The following TAFA1 variants were observed in gnomAD, a reference collection of about 807,000 sequenced individuals.
TAFA1 encodes the protein TAFA chemokine like family member 1.
TAFA1 carries 4 observed loss-of-function variants against 18.5 expected under a neutral mutation model. The observed-to-expected ratio is 0.22, with a 90% CI of 0.11 to 0.49. TAFA1 has a LOEUF of 0.49. Among genes scored for constraint, TAFA1 ranks in the 20% least tolerant of loss-of-function variants. The pLI, the probability that TAFA1 is intolerant of heterozygous loss-of-function variation, is 0.98. For missense variants in TAFA1, 147 were observed against 169.0 expected (o/e 0.87, Z 0.72); for synonymous variants, 56 against 55.2 (o/e 1.01, Z -0.06).
intron 2 of TAFA1, among the ~76,000 whole-genome samples, chr3:68,187,988 G>C (rs935226856): frequency 6.6e-6 from 1 of 151,764 alleles, no homozygotes; most frequent in African/African-American, 2.4e-5. Flanking sequence ...TACATTTCTT[G>C]CCTATTTTTC....
At chr3:68,095,881 A>G (rs1383716988) in intron 2 of TAFA1, among the ~76,000 whole-genome samples, 13 of 152,138 alleles carry the variant, frequency 8.5e-5, no homozygotes, top group Admixed American at 8.5e-4. Context: ...TGTTACATGC[A>G]TAGAATGTGT....
chr3:68,142,194 CT>C (rs767688006), intron 2 of TAFA1, among the ~76,000 whole-genome samples: 6 of 152,270 alleles, frequency 3.9e-5, no homozygotes, highest in Admixed American at 1.3e-4. Flanking sequence ...AAAAAAATTG[CT>C]TTGTTTCTCA....
chr3:68,406,061 G>A (rs1463937788), intron 2 of TAFA1, among the ~76,000 whole-genome samples: 1 of 152,052 alleles, frequency 6.6e-6, no homozygotes, highest in Admixed American at 6.6e-5. Flanking sequence ...TTGCTTACAG[G>A]GACGAGGGCT....
chr3:68,053,682 C>T (rs896617474), intron 2 of TAFA1, among the ~76,000 whole-genome samples: 1 of 151,960 alleles, frequency 6.6e-6, no homozygotes, highest in African/African-American at 2.4e-5. Context: ...GAAATCGGTT[C>T]CTTGGAAAAT....
rs117575624 is a variant in TAFA1, at chr3:68,155,125, C to A, written c.118+148381C>A. ...CCATTTTAAGATGTGGAAACTGAGA[C>A]TTGAATAAGTTGTATTACTCATCTC... is the stretch of plus-strand genomic sequence containing the variant. On this transcript the variant is annotated intron_variant, in intron 2 of 4. Transcript: ENST00000478136. 1.2e-3 allele frequency among the ~76,000 whole-genome samples: 183 copies of A among 152,232 alleles called. 3 individuals are homozygous for A. In the East Asian group the frequency reaches 0.03, roughly 25 times the overall value.
At chr3:68,448,659 A>C (rs1208542547) in intron 3 of TAFA1, among the ~76,000 whole-genome samples, 1 of 152,116 alleles carries the variant, frequency 6.6e-6, no homozygotes, top group Non-Finnish European at 1.5e-5. Flanking sequence ...TATCCACTGA[A>C]ACTTCAAAGT....
At chr3:68,469,883 A>G (rs746511074) in intron 3 of TAFA1, among the ~76,000 whole-genome samples, 3 of 152,202 alleles carry the variant, frequency 2.0e-5, no homozygotes, top group South Asian at 2.1e-4. Context: ...CAGAATCTAT[A>G]GGGACACTGA....
At chr3:68,455,656 ATT>A (rs551249502) in intron 3 of TAFA1, among the ~76,000 whole-genome samples, 58 of 147,214 alleles carry the variant, frequency 3.9e-4, no homozygotes, top group African/African-American at 1.4e-3. Flanking sequence ...TCATCCCCCA[ATT>A]TTTTTTTTGC....
At chr3:68,477,596 G>C (rs906048081) in intron 3 of TAFA1, among the ~76,000 whole-genome samples, 7 of 152,006 alleles carry the variant, frequency 4.6e-5, no homozygotes, top group Non-Finnish European at 8.8e-5. Context: ...GGTCAGGCTG[G>C]TCTCAACCTC....
At chr3:68,166,206 T>G (rs1207110212) in intron 2 of TAFA1, among the ~76,000 whole-genome samples, 1 of 152,140 alleles carries the variant, frequency 6.6e-6, no homozygotes, top group African/African-American at 2.4e-5. Flanking sequence ...AGGGACAAGA[T>G]TTTGCTATCC....
At chr3:68,075,072 T>C (rs1465815528) in intron 2 of TAFA1, among the ~76,000 whole-genome samples, 1 of 152,178 alleles carries the variant, frequency 6.6e-6, no homozygotes, top group East Asian at 1.9e-4. Context: ...CCAGGGCCAA[T>C]AGACACTGTT....
intron 3 of TAFA1, among the ~76,000 whole-genome samples, chr3:68,455,593 G>C (rs1355973065): frequency 6.6e-6 from 1 of 151,798 alleles, no homozygotes; most frequent in South Asian, 2.1e-4. Context: ...CATTCCTCTG[G>C]TCTGGTGTGC....
chr3:68,505,217 C>A (rs931605087), intron 3 of TAFA1, among the ~76,000 whole-genome samples: 1 of 152,076 alleles, frequency 6.6e-6, no homozygotes, highest in African/African-American at 2.4e-5. Context: ...AAGTGTTCAA[C>A]CAAACACAAA....
At chr3:68,123,995 A>G (rs182348150) in intron 2 of TAFA1, among the ~76,000 whole-genome samples, 1 of 148,264 alleles carries the variant, frequency 6.7e-6, no homozygotes, top group Non-Finnish European at 1.5e-5. Flanking sequence ...AAGCTTCCTC[A>G]GGTCAGACCA....
At chr3:68,346,245 C>T (rs2069161916) in intron 2 of TAFA1, among the ~76,000 whole-genome samples, 1 of 152,174 alleles carries the variant, frequency 6.6e-6, no homozygotes, top group South Asian at 2.1e-4. Context: ...CAGCCTCACC[C>T]TCCTAAGCTC....
intron 3 of TAFA1, among the ~76,000 whole-genome samples, chr3:68,482,670 T>A (rs567792065): frequency 6.6e-6 from 1 of 152,342 alleles, no homozygotes; most frequent in South Asian, 2.1e-4. Flanking sequence ...TCTCTTCCTT[T>A]TGGTAGAACT....
chr3:68,267,084 C>A (rs2067562471), intron 2 of TAFA1, among the ~76,000 whole-genome samples: 1 of 152,152 alleles, frequency 6.6e-6, no homozygotes, highest in African/African-American at 2.4e-5. Flanking sequence ...CAAGAGAAAG[C>A]TGAGTTTCTC....
chr3:68,047,472 A>T (rs192757985), intron 2 of TAFA1, among the ~76,000 whole-genome samples: 12 of 152,316 alleles, frequency 7.9e-5, no homozygotes, highest in Admixed American at 7.2e-4. Flanking sequence ...ACTTTTAATG[A>T]AGATGGGAAG....
chr3:68,120,217 CTTTCTTTCTTTCTTTCT>C (rs2065378559), intron 2 of TAFA1, among the ~76,000 whole-genome samples: 1 of 123,922 alleles, frequency 8.1e-6, no homozygotes. Flanking sequence ...TTCTTTCTTT[CTTTCTTTCTTTCTTTCT>C]TTCTTTCTTT....
Sources: allele counts gnomAD v4.1 joint callset (sites outside exome capture counted in the v4.1 genomes callset), GRCh38; gene constraint gnomAD v4.1.1; transcripts MANE v1.5; gene names NCBI Gene and HGNC (gene_info 2026-07-23, HGNC 2026-07-21).